The following DHRS12 variants were observed in gnomAD, a reference collection of about 807,000 sequenced individuals.
DHRS12 encodes dehydrogenase/reductase 12.
A neutral mutation model predicts 32.1 loss-of-function variants in DHRS12; 29 were observed. That is an observed-to-expected ratio of 0.90 (90% CI 0.67 to 1.23). The LOEUF (loss-of-function observed/expected upper bound fraction) is 1.23, where lower values mean the gene tolerates loss of function less well. Among genes scored for constraint, DHRS12 ranks in the 50% most tolerant of loss-of-function variants. DHRS12 has a pLI of 0.00. For missense variants in DHRS12, 330 were observed against 337.2 expected (o/e 0.98, Z 0.17); for synonymous variants, 150 against 135.9 (o/e 1.10, Z -0.72).
chr13:51,781,072 G>A (rs1483519741), intron 4 of DHRS12, among the ~76,000 whole-genome samples: 2 of 152,224 alleles, frequency 1.3e-5, no homozygotes, highest in Non-Finnish European at 2.9e-5. Context: ...GGAGCAGACA[G>A]CTGCACTGGT....
intron 1 of DHRS12, among the ~76,000 whole-genome samples, chr13:51,800,648 C>G (rs1955710921): frequency 6.6e-6 from 1 of 152,276 alleles, no homozygotes; most frequent in Non-Finnish European, 1.5e-5. Context: ...GGGTAGCCAA[C>G]AGCTGGCCTC....
downstream of DHRS12, chr13:51,767,898 G>A: frequency 1.1e-6 from 1 of 915,950 alleles, no homozygotes; most frequent in South Asian, 2.3e-5. Context: ...CGTCCCCTAA[G>A]ACTGAAATGA....
chr13:51,767,652 C>T (rs116467563), downstream of DHRS12: 2,255 of 154,196 alleles, frequency 0.015, 46 homozygotes, highest in African/African-American at 0.048. Flanking sequence ...TTACTGAAGC[C>T]ACTCCTAATC....
chr13:51,791,362 A>G, intron 2 of DHRS12, 105 bp from the exon 3 acceptor site: 1 of 637,654 alleles, frequency 1.6e-6, no homozygotes, highest in East Asian at 3.1e-5. Flanking sequence ...ATACTTTGAA[A>G]TGATATAAAA....
intron 1 of DHRS12, among the ~76,000 whole-genome samples, chr13:51,800,932 A>C (rs1462911770): frequency 6.6e-6 from 1 of 152,162 alleles, no homozygotes; most frequent in African/African-American, 2.4e-5. Context: ...TCTTATTCCA[A>C]AGCCTTCCCA....
chr13:51,791,112 G>A (rs756561268), intron 3 of DHRS12, 53 bp downstream of exon 3: 81 of 1,316,022 alleles, frequency 6.2e-5, no homozygotes, highest in Non-Finnish European at 7.3e-5. Flanking sequence ...ATCCACAGAC[G>A]GAAACAATGG....
At chr13:51,765,904 A>C (rs1418849350), downstream of DHRS12, 2 of 152,184 alleles carry the variant, frequency 1.3e-5, no homozygotes, top group African/African-American at 4.8e-5. Flanking sequence ...CTTTCTTGGA[A>C]GTGTCAAGAA....
At chr13:51,779,457 G>A (rs1954602353) in intron 4 of DHRS12, among the ~76,000 whole-genome samples, 2 of 152,214 alleles carry the variant, frequency 1.3e-5, no homozygotes, top group Admixed American at 1.3e-4. Context: ...CTGGGCCAGG[G>A]GGGTGACACC....
At chr13:51,787,109 T>C (rs1954994336) in intron 4 of DHRS12, among the ~76,000 whole-genome samples, 1 of 152,118 alleles carries the variant, frequency 6.6e-6, no homozygotes, top group Non-Finnish European at 1.5e-5. Flanking sequence ...TGAGAGAGGA[T>C]GAATAAATAT....
Position 51,769,193 on chromosome 13 carries a change from AGAG to A in DHRS12, c.657_659del (p.Ser220del), listed in dbSNP as rs1953894692. The A allele has an allele frequency of 3.8e-6, 6 of 1,560,678 alleles. No individual in the cohort carries two copies. The highest frequency in any genetic ancestry group is 8.7e-7 in the Non-Finnish European group (1 of 1,153,666). On this transcript the variant is annotated inframe_deletion, in exon 8 of 9. Transcript: ENST00000444610. ...GGCCGCTGGGCTGTGCGGCTGCGGC[AGAG>A]GAGAGGGCCAGCCACAGCATGGTGT... is the stretch of plus-strand genomic sequence containing the variant.
At chr13:51,764,714 G>A (rs1050467541), downstream of DHRS12, 1 of 152,202 alleles carries the variant, frequency 6.6e-6, no homozygotes, top group Admixed American at 6.5e-5. Context: ...GAAATCCCTA[G>A]AACTGTTAAC....
At position 51,779,345 on chromosome 13, in the gene DHRS12, C is replaced by A. The variant is rs567456759; in HGVS notation, c.302-2224G>T. Among the ~76,000 whole-genome samples the A allele has an allele frequency of 2.6e-5, 4 of 152,252 alleles. 1 individual carries two copies. The highest frequency in any genetic ancestry group is 1.9e-4 in the East Asian group (1 of 5,186). On this transcript the variant is annotated intron_variant, in intron 4 of 8. Transcript: ENST00000444610. ...CATTCCCTCTTTTTAGGGGTAGGCC[C>A]CAAACACATCCTGTTTATAACAACA...
At chr13:51,766,971 C>T (rs192262764), downstream of DHRS12, 2 of 152,374 alleles carry the variant, frequency 1.3e-5, no homozygotes, top group East Asian at 3.9e-4. Flanking sequence ...GAGCCCTGTT[C>T]ACCACAGTCT....
intron 1 of DHRS12, among the ~76,000 whole-genome samples, chr13:51,801,676 TA>T (rs530044555): frequency 6.6e-6 from 1 of 152,080 alleles, no homozygotes; most frequent in Non-Finnish European, 1.5e-5. Flanking sequence ...GCTTTTCCGG[TA>T]GAGGCAAGGG....
chr13:51,790,065 T>C lies in DHRS12; in HGVS notation c.247A>G (p.Lys83Glu), dbSNP rs1378348354. The change falls in exon 4 of 9, where the codon AAA becomes GAA. Residue 83 changes from lysine to glutamate, a missense_variant. Transcript: ENST00000444610. ...AGTCCATCTTCTGTGAGCTCTCTTTTATTGACCATGCAACCTGCATTATTG... is the reference window on the plus strand; with the variant it reads ...AGTCCATCTTCTGTGAGCTCTCTTTCATTGACCATGCAACCTGCATTATTG... The part of the protein sequence containing the change: ...LINNAGCMVN[K>E]RELTEDGLEK... The C allele has an allele frequency of 6.2e-7, 1 of 1,602,174 alleles. No homozygotes were observed. Among genetic ancestry groups the C allele is most frequent in the Admixed American group, 1.7e-5 (1 of 57,268 alleles).
intron 2 of DHRS12, chr13:51,797,851 T>G: frequency 2.0e-6 from 3 of 1,535,672 alleles, no homozygotes; most frequent in Non-Finnish European, 2.6e-6. Context: ...CCGGATGATC[T>G]CACCCCTGGC....
intron 1 of DHRS12, among the ~76,000 whole-genome samples, chr13:51,800,394 T>C (rs985668793): frequency 8.5e-5 from 13 of 152,274 alleles, no homozygotes; most frequent in Admixed American, 5.9e-4. Context: ...GATACCTCTC[T>C]ACCTTTACTC....
chr13:51,781,356 CCAGTTCCACG>C (rs1445836091), intron 4 of DHRS12, among the ~76,000 whole-genome samples: 2 of 146,882 alleles, frequency 1.4e-5, no homozygotes, highest in Admixed American at 1.4e-4. Context: ...GCCACCTTAT[CCAGTTCCACG>C]CACTGAACAA....
chr13:51,756,646 G>A, the DHRS12 span: 1 of 985,164 alleles, frequency 1.0e-6, no homozygotes, highest in African/African-American at 1.7e-5. Flanking sequence ...TGAGATGAGA[G>A]AAGAGAAAAT....
Sources: allele counts gnomAD v4.1 joint callset (sites outside exome capture counted in the v4.1 genomes callset), GRCh38; gene constraint gnomAD v4.1.1; transcripts MANE v1.5; gene names NCBI Gene and HGNC (gene_info 2026-07-23, HGNC 2026-07-21).